BTRC: variants seen among roughly 807,000 people sequenced by gnomAD.
BTRC encodes F-box/WD repeat-containing protein 1A.
In BTRC, 42 loss-of-function variants were observed where a neutral mutation model predicts 85.5. The observed-to-expected ratio is 0.49, with a 90% CI of 0.38 to 0.64. The LOEUF is 0.64. Ranked by LOEUF, BTRC falls within the 30% of genes least tolerant of loss-of-function variation. The pLI, the probability that BTRC is intolerant of heterozygous loss-of-function variation, is 0.00. For missense variants in BTRC, 594 were observed against 743.5 expected (o/e 0.80, Z 2.34); for synonymous variants, 255 against 263.3 (o/e 0.97, Z 0.30).
At position 101,380,387 on chromosome 10, in the gene BTRC, T is replaced by A. The variant is rs527973659; in HGVS notation, c.48+26159T>A. Among the ~76,000 whole-genome samples the A allele has an allele frequency of 1.5e-3, 229 of 152,154 alleles. 1 individual carries two copies. Among genetic ancestry groups the A allele is most frequent in the Non-Finnish European group, 2.5e-3 (173 of 68,008 alleles). ...GATTTAACAACCTCTTTTTTTTTTT[T>A]AATTAAAAAGTAAACTTTAATGTCA... On this transcript the variant is annotated intron_variant, in intron 1 of 14. Transcript: ENST00000370187.
intron 1 of BTRC, among the ~76,000 whole-genome samples, chr10:101,384,041 T>G (rs1386261065): frequency 6.6e-6 from 1 of 152,186 alleles, no homozygotes; most frequent in Non-Finnish European, 1.5e-5. Flanking sequence ...AACATATTTG[T>G]AGCATTTATA....
At chr10:101,425,126 G>T (rs1467014327) in intron 1 of BTRC, among the ~76,000 whole-genome samples, 1 of 152,134 alleles carries the variant, frequency 6.6e-6, no homozygotes, top group Non-Finnish European at 1.5e-5. Flanking sequence ...CAGAGGACAT[G>T]ATTTCATTAT....
At chr10:101,373,054 T>A (rs1469857511) in intron 1 of BTRC, among the ~76,000 whole-genome samples, 2 of 152,204 alleles carry the variant, frequency 1.3e-5, no homozygotes, top group East Asian at 3.8e-4. Context: ...TCTTTATATA[T>A]CTTTTGTTAA....
chr10:101,389,131 T>G (rs1455888422), intron 1 of BTRC, among the ~76,000 whole-genome samples: 2 of 137,102 alleles, frequency 1.5e-5, no homozygotes, highest in African/African-American at 2.8e-5. Context: ...TTTTTTTTTT[T>G]TTTTTTTTTT....
chr10:101,423,633 A>G (rs1277924362), intron 1 of BTRC, among the ~76,000 whole-genome samples: 1 of 152,204 alleles, frequency 6.6e-6, no homozygotes, highest in African/African-American at 2.4e-5. Flanking sequence ...TCATTTAGGC[A>G]CTATAACTTC....
intron 14 of BTRC, among the ~76,000 whole-genome samples, chr10:101,552,944 A>G (rs1374001625): frequency 6.6e-6 from 1 of 152,162 alleles, no homozygotes; most frequent in East Asian, 1.9e-4. Flanking sequence ...AGCCCTGAGC[A>G]TGTCAGCAAG....
At chr10:101,537,812 T>G (rs2062409769) in intron 12 of BTRC, among the ~76,000 whole-genome samples, 1 of 152,260 alleles carries the variant, frequency 6.6e-6, no homozygotes, top group South Asian at 2.1e-4. Context: ...CTTATTGTCC[T>G]GGCTTTGATC....
At chr10:101,544,978 A>G (rs1168252029) in intron 13 of BTRC, among the ~76,000 whole-genome samples, 3 of 151,882 alleles carry the variant, frequency 2.0e-5, no homozygotes, top group African/African-American at 7.3e-5. Flanking sequence ...ATATGAGTCC[A>G]GGAGATTGAG....
chr10:101,437,656 T>G (rs542150569), intron 2 of BTRC, among the ~76,000 whole-genome samples: 20 of 152,378 alleles, frequency 1.3e-4, no homozygotes, highest in African/African-American at 4.8e-4. Context: ...ATACTGATTT[T>G]GGTCACTGTT....
chr10:101,395,265 G>T (rs1456757652), intron 1 of BTRC, among the ~76,000 whole-genome samples: 1 of 152,128 alleles, frequency 6.6e-6, no homozygotes, highest in African/African-American at 2.4e-5. Flanking sequence ...CATTCCGTTG[G>T]TTTAATTTTC....
intron 4 of BTRC, among the ~76,000 whole-genome samples, chr10:101,500,071 ACTTTT>A (rs200264479): frequency 0.014 from 2,134 of 151,182 alleles, 43 homozygotes; most frequent in South Asian, 0.087. Context: ...CTAGTTGCAG[ACTTTT>A]CTTGTGGCCC....
intron 2 of BTRC, among the ~76,000 whole-genome samples, chr10:101,440,875 A>C (rs1262990290): frequency 2.6e-5 from 4 of 152,210 alleles, no homozygotes; most frequent in Non-Finnish European, 5.9e-5. Context: ...AGAAGATAAT[A>C]CTTGTAAAAT....
chr10:101,402,175 T>C (rs1199903689), intron 1 of BTRC, among the ~76,000 whole-genome samples: 1 of 152,214 alleles, frequency 6.6e-6, no homozygotes, highest in Non-Finnish European at 1.5e-5. Context: ...TCATATCTGA[T>C]AAATCTAAAT....
intron 2 of BTRC, among the ~76,000 whole-genome samples, chr10:101,439,160 A>G (rs1474871017): frequency 6.6e-6 from 1 of 152,196 alleles, no homozygotes; most frequent in East Asian, 1.9e-4. Flanking sequence ...GCTGTTAAAA[A>G]TGTCAGCCTC....
At chr10:101,451,920 T>C (rs567511308) in intron 2 of BTRC, among the ~76,000 whole-genome samples, 1 of 152,226 alleles carries the variant, frequency 6.6e-6, no homozygotes, top group Non-Finnish European at 1.5e-5. Context: ...TCATGTGAGC[T>C]CAGTCCACCC....
intron 4 of BTRC, among the ~76,000 whole-genome samples, chr10:101,500,668 C>G (rs1302506645): frequency 6.6e-6 from 1 of 152,060 alleles, no homozygotes; most frequent in Admixed American, 6.6e-5. Context: ...GCTTCAGATC[C>G]TAGTGTCAGC....
At chr10:101,431,145 C>T (rs758188536) in intron 2 of BTRC, among the ~76,000 whole-genome samples, 2 of 134,978 alleles carry the variant, frequency 1.5e-5, no homozygotes, top group Non-Finnish European at 3.1e-5. Flanking sequence ...GGCGTGATCT[C>T]AGCTCACTGC....
intron 4 of BTRC, among the ~76,000 whole-genome samples, chr10:101,496,776 T>A (rs1040289378): frequency 4.6e-5 from 7 of 152,174 alleles, no homozygotes; most frequent in South Asian, 4.1e-4. Flanking sequence ...GCCCTTTTTT[T>A]AATTGGGTTT....
chr10:101,482,392 T>C (rs918252030), intron 4 of BTRC, among the ~76,000 whole-genome samples: 1 of 125,782 alleles, frequency 8.0e-6, no homozygotes, highest in African/African-American at 2.7e-5. Flanking sequence ...TTTGTTTGTT[T>C]CTTTTTTTTT....
Sources: gnomAD v4.1 joint callset for allele counts (sites outside exome capture counted in the v4.1 genomes callset) on GRCh38, gnomAD v4.1.1 for gene constraint, MANE v1.5 for transcripts, NCBI Gene and HGNC (gene_info 2026-07-23, HGNC 2026-07-21) for gene names.